Variants in SMAD2 observed in about 807,000 individuals in gnomAD.
SMAD2 encodes MAD homolog 2.
A neutral mutation model predicts 64.4 loss-of-function variants in SMAD2; 8 were observed. The ratio of observed to expected loss-of-function variants is 0.12; its 90% CI spans 0.07 to 0.22. SMAD2 has a LOEUF of 0.22. Ranked by LOEUF, SMAD2 falls within the 10% of genes least tolerant of loss-of-function variation. SMAD2 has a pLI of 1.00. For synonymous variants in SMAD2, 203 were observed against 195.8 expected (o/e 1.04, Z -0.31); for missense variants, 289 against 561.2 (o/e 0.51, Z 4.90).
At chr18:47,906,318 A>C (rs1252671347) in intron 1 of SMAD2, among the ~76,000 whole-genome samples, 1 of 152,166 alleles carries the variant, frequency 6.6e-6, no homozygotes, top group Non-Finnish European at 1.5e-5. Context: ...TCGGGTCCCA[A>C]GCATTTTGGA....
rs563118415 is a variant in SMAD2 at position 47,838,211 on chromosome 18, G to A, written c.*3616C>T. ...TAAAATAATTTTAACAAAAGGGAAAGCATTTGACAGTGTTTAAAAGACAGA... is the reference window on the plus strand; with the variant it reads ...TAAAATAATTTTAACAAAAGGGAAAACATTTGACAGTGTTTAAAAGACAGA... On this transcript the variant is annotated 3_prime_UTR_variant, in exon 11 of 11. Transcript: ENST00000262160. 1.3e-4 allele frequency: 30 copies of A among 233,158 alleles called. No homozygotes were observed. In the South Asian group the frequency reaches 5.1e-3, roughly 39 times the overall value. The allele number at this position is 233,158 out of a possible 1,614,324, so 14.4% of individuals were successfully genotyped here. A position where few individuals can be genotyped will look rare whatever the true frequency, so the allele number is the denominator to read the frequency against.
intron 2 of SMAD2, among the ~76,000 whole-genome samples, chr18:47,891,156 T>C (rs2144454214): frequency 6.6e-6 from 1 of 151,858 alleles, no homozygotes; most frequent in South Asian, 2.1e-4. Context: ...AAATACAAAA[T>C]TAGACAGGCA....
intron 1 of SMAD2, among the ~76,000 whole-genome samples, chr18:47,924,493 G>A (rs950153680): frequency 2.0e-5 from 3 of 146,810 alleles, no homozygotes; most frequent in African/African-American, 7.6e-5. Flanking sequence ...ACGGAGTCTT[G>A]CTCTGTCTCC....
chr18:47,850,384 A>ATG (rs1217964602), intron 7 of SMAD2, among the ~76,000 whole-genome samples: 1 of 22,184 alleles, frequency 4.5e-5, no homozygotes, highest in Non-Finnish European at 6.2e-5. Context: ...TATATATATT[A>ATG]TATAATATAT....
chr18:47,820,364 AC>A lies in SMAD2; in HGVS notation c.*21462del, dbSNP rs1366016928. 1 of 152,200 alleles carries A rather than the reference AC, an allele frequency of 6.6e-6. No individual in the cohort carries two copies. Among genetic ancestry groups the A allele is most frequent in the Non-Finnish European group, 1.5e-5 (1 of 68,026 alleles). 9.4% of individuals were successfully genotyped at this position (152,200 alleles called of 1,614,324 possible). On this transcript the variant is annotated 3_prime_UTR_variant, in exon 11 of 11. Coordinates refer to ENST00000262160, the MANE Select transcript of SMAD2 (RefSeq NM_005901.6). ...ATACACAATTCCATATACAAAGTGT[AC>A]CCAAAAAAAGATGTTTTGATGAGAA...
Position 47,822,132 on chromosome 18 carries a change from T to G in SMAD2, c.*19695A>C, listed in dbSNP as rs1010819503. ...TTTATGAGTATGTTATTGATATGAG[T>G]GTTCCAAAATTGTACGATGCCGTTA... is the stretch of plus-strand genomic sequence containing the variant. On this transcript the variant is annotated 3_prime_UTR_variant, in exon 11 of 11. Transcript: ENST00000262160. 4.6e-5 allele frequency: 7 copies of G among 152,330 alleles called. No homozygotes were observed. Among genetic ancestry groups the G allele is most frequent in the Admixed American group, 3.3e-4 (5 of 15,306 alleles). The allele number at this position is 152,330 out of a possible 1,614,324, so 9.4% of individuals were successfully genotyped here.
chr18:47,858,471 C>G (rs2030905753), intron 6 of SMAD2, among the ~76,000 whole-genome samples: 1 of 152,062 alleles, frequency 6.6e-6, no homozygotes, highest in African/African-American at 2.4e-5. Context: ...AAAAAGGAGC[C>G]AAACTGGTAA....
intron 2 of SMAD2, among the ~76,000 whole-genome samples, chr18:47,884,822 G>A (rs939106345): frequency 1.9e-4 from 29 of 151,994 alleles, no homozygotes; most frequent in Non-Finnish European, 4.0e-4. Flanking sequence ...CTTAGAAGAA[G>A]GACCAGGTGA....
rs1913204643 is a variant in SMAD2 at position 47,834,329 on chromosome 18, G to A, written c.*7498C>T. On this transcript the variant is annotated 3_prime_UTR_variant, in exon 11 of 11. Transcript: ENST00000262160. ...TAAGTTCAAGATATGTACTCTCAATGGAGAATCGCTTTTGGGCAGTGGTTA... is the reference window on the plus strand; with the variant it reads ...TAAGTTCAAGATATGTACTCTCAATAGAGAATCGCTTTTGGGCAGTGGTTA... 3.8e-5 allele frequency: 8 copies of A among 208,536 alleles called. No individual in the cohort carries two copies. The South Asian group carries it at 1.5e-3, about 39-fold the overall frequency. The allele number at this position is 208,536 out of a possible 1,614,324, so 12.9% of individuals were successfully genotyped here. A position where few individuals can be genotyped will look rare whatever the true frequency, so the allele number is the denominator to read the frequency against.
intron 2 of SMAD2, among the ~76,000 whole-genome samples, chr18:47,877,398 T>A (rs1363314400): frequency 6.6e-6 from 1 of 152,134 alleles, no homozygotes; most frequent in Non-Finnish European, 1.5e-5. Context: ...AATCCTTTCA[T>A]TTTTATATGT....
Position 47,821,831 on chromosome 18 carries a change from T to A in SMAD2, c.*19996A>T, listed in dbSNP as rs1030895337. On this transcript the variant is annotated 3_prime_UTR_variant, in exon 11 of 11. Coordinates refer to ENST00000262160, the MANE Select transcript of SMAD2 (RefSeq NM_005901.6). ...AAATGTATGTAACTTTCTGCATTGCTTCTTAAGTCTTTTGATTATCATTCT... is the reference window on the plus strand; with the variant it reads ...AAATGTATGTAACTTTCTGCATTGCATCTTAAGTCTTTTGATTATCATTCT... 6.6e-6 allele frequency: 1 copy of A among 152,194 alleles called. No homozygotes were observed. Among genetic ancestry groups the A allele is most frequent in the Non-Finnish European group, 1.5e-5 (1 of 68,020 alleles). 9.4% of individuals were successfully genotyped at this position (152,194 alleles called of 1,614,324 possible). A position where few individuals can be genotyped will look rare whatever the true frequency, so the allele number is the denominator to read the frequency against.
intron 10 of SMAD2, 147 bp from the exon 11 acceptor site, chr18:47,842,097 T>C (rs1404213886): frequency 8.5e-6 from 7 of 824,342 alleles, no homozygotes. Flanking sequence ...GCAAAATGGT[T>C]GATCCTCAAA....
At chr18:47,910,906 C>A (rs75282230) in intron 1 of SMAD2, among the ~76,000 whole-genome samples, 2,312 of 152,192 alleles carry the variant, frequency 0.015, 61 homozygotes, top group African/African-American at 0.053. Context: ...AGCACCCCAA[C>A]CACCCCATTG....
chr18:47,882,041 CTTTTTTTTTTTT>C (rs71162900), intron 2 of SMAD2, among the ~76,000 whole-genome samples: 2 of 38,868 alleles, frequency 5.1e-5, no homozygotes, highest in African/African-American at 2.0e-4. Flanking sequence ...CCACGCTTGG[CTTTTTTTTTTTT>C]TTTTTTTTTT....
At chr18:47,904,206 A>G (rs2033812574) in intron 1 of SMAD2, among the ~76,000 whole-genome samples, 2 of 150,292 alleles carry the variant, frequency 1.3e-5, no homozygotes, top group East Asian at 1.9e-4. Context: ...AAAAAGGCAG[A>G]AAACGGAAGA....
chr18:47,833,153 C>CA lies in SMAD2; in HGVS notation c.*8673dup. The CA allele has an allele frequency of 4.9e-6, 1 of 202,546 alleles. No individual in the cohort carries two copies. 12.5% of individuals were successfully genotyped at this position (202,546 alleles called of 1,614,324 possible). On this transcript the variant is annotated 3_prime_UTR_variant, in exon 11 of 11. Transcript: ENST00000262160. ...AATGCTAGGAAAACTGTCCACCTTT[C>CA]AACGGTGACAGGGCTGTTAACACAG...
In SMAD2 at chr18:47,896,694, T is replaced by G. The variant is rs771024208; in HGVS notation, c.63A>C (p.Ser21=). The part of the protein sequence containing the change: ...VVKRLLGWKK[S]AGGSGGAGGG... Reference sequence around the variant, plus strand: ...CGCCTGCTCCTCCAGACCCACCAGCTGACTTCTTCCATCCCAGCAGTCTCT... The same window carrying G: ...CGCCTGCTCCTCCAGACCCACCAGCGGACTTCTTCCATCCCAGCAGTCTCT... The change falls in exon 2 of 11, where the codon TCA becomes TCC. Residue 21 remains serine, a synonymous_variant. Transcript: ENST00000262160. 4 of 1,614,118 alleles carry G rather than the reference T, an allele frequency of 2.5e-6. No individual in the cohort carries two copies. The East Asian group carries it at 8.9e-5, about 36-fold the overall frequency.
intron 3 of SMAD2, 137 bp from the exon 4 acceptor site, chr18:47,869,573 C>A: frequency 1.5e-6 from 1 of 685,232 alleles, no homozygotes; most frequent in Non-Finnish European, 2.5e-6. Context: ...TAGTGAGAAT[C>A]AAGAACAAAA....
chr18:47,916,031 G>C (rs2034321801), intron 1 of SMAD2, among the ~76,000 whole-genome samples: 1 of 152,046 alleles, frequency 6.6e-6, no homozygotes, highest in South Asian at 2.1e-4. Flanking sequence ...TTATCATATG[G>C]CCTTTCTCCT....
Sources: allele counts gnomAD v4.1 joint callset (sites outside exome capture counted in the v4.1 genomes callset), GRCh38; gene constraint gnomAD v4.1.1; transcripts MANE v1.5; gene names NCBI Gene and HGNC (gene_info 2026-07-23, HGNC 2026-07-21).